Variants in EXOG observed in about 807,000 individuals in gnomAD.
EXOG encodes the protein nuclease EXOG, mitochondrial.
A neutral mutation model predicts 25.8 loss-of-function variants in EXOG; 27 were observed. That is an observed-to-expected ratio of 1.05 (90% CI 0.77 to 1.45). EXOG has a LOEUF of 1.45. Among genes scored for constraint, EXOG ranks in the 40% most tolerant of loss-of-function variants. The pLI is 0.00. For synonymous variants in EXOG, 133 were observed against 167.0 expected (o/e 0.80, Z 1.57); for missense variants, 458 against 450.5 (o/e 1.02, Z -0.15).
At chr3:38,511,685 G>A (rs1427989041) in intron 5 of EXOG, among the ~76,000 whole-genome samples, 2 of 152,184 alleles carry the variant, frequency 1.3e-5, no homozygotes, top group Non-Finnish European at 2.9e-5. Context: ...GAAAGGCAGG[G>A]TGGTTATAGT....
intron 3 of EXOG, among the ~76,000 whole-genome samples, 193 bp from the exon 4 acceptor site, chr3:38,503,422 C>A (rs77646171): frequency 0.011 from 1,747 of 152,222 alleles, 21 homozygotes; most frequent in Non-Finnish European, 0.016. Context: ...ACTTTATAGT[C>A]CTCATTTTGA....
chr3:38,523,035 T>C (rs898760198), intron 5 of EXOG: 1 of 391,072 alleles, frequency 2.6e-6, no homozygotes, highest in South Asian at 2.0e-5. Flanking sequence ...ATTTATGTAA[T>C]TTAATTTTAA....
intron 5 of EXOG, among the ~76,000 whole-genome samples, chr3:38,519,023 G>A (rs574138463): frequency 1.3e-5 from 2 of 152,264 alleles, no homozygotes; most frequent in East Asian, 3.9e-4. Context: ...AATAAAAGAT[G>A]GTGTGGATGG....
intron 5 of EXOG, 55 bp from the exon 6 acceptor site, chr3:38,523,846 A>G (rs950475234): frequency 1.5e-5 from 20 of 1,301,376 alleles, no homozygotes; most frequent in Non-Finnish European, 2.0e-5. Flanking sequence ...TTCAGAAAAA[A>G]TTTGCGAACT....
Position 38,525,387 on chromosome 3 carries a change from A to C in EXOG, c.*1025A>C. 1.0e-6 allele frequency: 1 copy of C among 985,384 alleles called. No homozygotes were observed. The highest frequency in any genetic ancestry group is 4.7e-5 in the South Asian group (1 of 21,278). The allele number at this position is 985,384 out of a possible 1,614,324, so 61.0% of individuals were successfully genotyped here. A position where few individuals can be genotyped will look rare whatever the true frequency, so the allele number is the denominator to read the frequency against. On this transcript the variant is annotated 3_prime_UTR_variant, in exon 6 of 6. Coordinates refer to ENST00000287675, the MANE Select transcript of EXOG (RefSeq NM_005107.4). ...ATTTCCATGGGTATTTGTGGGCCTGAGGCATGCTTGGCAAGAAGAGTCTGG... is the reference window on the plus strand; with the variant it reads ...ATTTCCATGGGTATTTGTGGGCCTGCGGCATGCTTGGCAAGAAGAGTCTGG...
intron 5 of EXOG, among the ~76,000 whole-genome samples, chr3:38,509,057 A>G (rs2060290879): frequency 6.6e-6 from 1 of 152,254 alleles, no homozygotes; most frequent in Admixed American, 6.5e-5. Flanking sequence ...TAACTTGCTA[A>G]TTTAATTTTA....
intron 5 of EXOG, among the ~76,000 whole-genome samples, chr3:38,509,677 G>C (rs75228405): frequency 0.026 from 3,965 of 152,258 alleles, 187 homozygotes; most frequent in African/African-American, 0.089. Context: ...GACAAATGGT[G>C]GGGATATGTC....
chr3:38,507,418 G>A (rs2060234890), intron 5 of EXOG, among the ~76,000 whole-genome samples: 1 of 152,122 alleles, frequency 6.6e-6, no homozygotes, highest in Admixed American at 6.5e-5. Context: ...GGACATTTGT[G>A]GTCAACATCA....
chr3:38,499,543 T>G (rs1559673641), intron 2 of EXOG: 1 of 388,352 alleles, frequency 2.6e-6, no homozygotes, highest in African/African-American at 2.1e-5. Context: ...GTAAAAGGTC[T>G]TCTGTTTTCA....
chr3:38,502,944 C>T (rs1320841088), intron 3 of EXOG, among the ~76,000 whole-genome samples: 2 of 152,130 alleles, frequency 1.3e-5, no homozygotes, highest in African/African-American at 4.8e-5. Context: ...TTTTTGCAGT[C>T]CTGATGCCCA....
intron 5 of EXOG, among the ~76,000 whole-genome samples, chr3:38,520,572 A>G (rs1313734227): frequency 6.6e-6 from 1 of 152,184 alleles, no homozygotes; most frequent in Non-Finnish European, 1.5e-5. Flanking sequence ...GCTGACCTGT[A>G]ACTAGTCTAA....
chr3:38,525,042 G>C lies in EXOG; in HGVS notation c.*680G>C, dbSNP rs2060838185. ...ATTTGTTTCTTTTTTCTCCTCTCAT[G>C]AATCTGCTCGTTTCTCTACTTCTGT... is the stretch of plus-strand genomic sequence containing the variant. On this transcript the variant is annotated 3_prime_UTR_variant, in exon 6 of 6. Coordinates refer to ENST00000287675, the MANE Select transcript of EXOG (RefSeq NM_005107.4). The C allele has an allele frequency of 1.0e-6, 1 of 985,298 alleles. No homozygotes were observed. The highest frequency in any genetic ancestry group is 4.7e-5 in the South Asian group (1 of 21,276). 61.0% of individuals were successfully genotyped at this position (985,298 alleles called of 1,614,324 possible).
intron 5 of EXOG, chr3:38,523,164 T>C (rs1276211062): frequency 3.1e-6 from 4 of 1,280,532 alleles, no homozygotes; most frequent in Non-Finnish European, 4.1e-6. Flanking sequence ...GCCATGTTTT[T>C]ATTTCTAGAG....
At chr3:38,504,835 G>A (rs887710056) in intron 4 of EXOG, among the ~76,000 whole-genome samples, 2 of 152,044 alleles carry the variant, frequency 1.3e-5, no homozygotes, top group Admixed American at 1.3e-4. Flanking sequence ...TAAAACTAAC[G>A]GTTTGAGGTT....
intron 4 of EXOG, 54 bp downstream of exon 4, chr3:38,503,745 A>T: frequency 9.3e-7 from 1 of 1,071,562 alleles, no homozygotes; most frequent in Non-Finnish European, 1.4e-6. Context: ...ATGAAGTGAC[A>T]GGAGAATGTA....
At chr3:38,520,287 G>T (rs1014246932) in intron 5 of EXOG, among the ~76,000 whole-genome samples, 1 of 152,018 alleles carries the variant, frequency 6.6e-6, no homozygotes, top group Non-Finnish European at 1.5e-5. Flanking sequence ...CTAGCTTCAG[G>T]TTGCGAATGA....
In EXOG at chr3:38,497,836, T is replaced by G. The variant is rs2059940086; in HGVS notation, c.313+58T>G. The G allele has an allele frequency of 1.2e-5, 18 of 1,542,502 alleles. No individual in the cohort carries two copies. The South Asian group carries it at 2.1e-4, about 18-fold the overall frequency. Reference sequence around the variant, plus strand: ...GTATTTATGAAAGATGTCTCCAAATTTAAAACAGGGATGATTATTAATATT... The same window carrying G: ...GTATTTATGAAAGATGTCTCCAAATGTAAAACAGGGATGATTATTAATATT... On this transcript the variant is annotated intron_variant, in intron 2 of 5. Coordinates refer to ENST00000287675, the MANE Select transcript of EXOG (RefSeq NM_005107.4).
intron 4 of EXOG, among the ~76,000 whole-genome samples, chr3:38,503,899 T>C (rs940171123): frequency 6.6e-6 from 1 of 152,222 alleles, no homozygotes; most frequent in African/African-American, 2.4e-5. Context: ...GCCTGCCTTT[T>C]TGATCATGTT....
At chr3:38,497,490 G>C in intron 1 of EXOG, 139 bp from the exon 2 acceptor site, 1 of 1,361,264 alleles carries the variant, frequency 7.3e-7, no homozygotes, top group Non-Finnish European at 9.4e-7. Flanking sequence ...TTTTCTGGTT[G>C]ATTAGACTTC....
Sources: gnomAD v4.1 joint callset for allele counts (sites outside exome capture counted in the v4.1 genomes callset) on GRCh38, gnomAD v4.1.1 for gene constraint, MANE v1.5 for transcripts, NCBI Gene and HGNC (gene_info 2026-07-23, HGNC 2026-07-21) for gene names.